The following BCL2 variants were observed in gnomAD, a reference collection of about 807,000 sequenced individuals.
BCL2 encodes the protein BCL2 apoptosis regulator.
In BCL2, 1 loss-of-function variant was observed where a neutral mutation model predicts 14.2. That is an observed-to-expected ratio of 0.07 (90% CI 0.02 to 0.33). The LOEUF is 0.33. BCL2 is among the 10% of genes least tolerant of loss of function. The pLI, the probability that BCL2 is intolerant of heterozygous loss-of-function variation, is 0.99. For synonymous variants in BCL2, 151 were observed against 137.2 expected (o/e 1.10, Z -0.70); for missense variants, 247 against 305.9 (o/e 0.81, Z 1.44).
chr18:63,154,799 T>C lies in BCL2; in HGVS notation c.586-26040A>G, dbSNP rs1453516272. On this transcript the variant is annotated intron_variant, in intron 2 of 2. Transcript: ENST00000333681. ...GGCTACATTTTCTTCATCTTGGTTTTCCCAGGTTCTGATAGTGCCTGGCAC... is the reference window on the plus strand; with the variant it reads ...GGCTACATTTTCTTCATCTTGGTTTCCCCAGGTTCTGATAGTGCCTGGCAC... 7.2e-5 allele frequency among the ~76,000 whole-genome samples: 11 copies of C among 152,232 alleles called. No individual in the cohort carries two copies. The South Asian group carries it at 2.3e-3, about 32-fold the overall frequency.
At chr18:63,204,734 A>G (rs142136023) in intron 2 of BCL2, among the ~76,000 whole-genome samples, 271 of 152,326 alleles carry the variant, frequency 1.8e-3, no homozygotes, top group African/African-American at 5.8e-3. Flanking sequence ...AATACTAGGA[A>G]GTATTATACT....
At chr18:63,169,786 G>A (rs748580374) in intron 2 of BCL2, among the ~76,000 whole-genome samples, 1 of 152,046 alleles carries the variant, frequency 6.6e-6, no homozygotes, top group South Asian at 2.1e-4. Context: ...GCCTCCCAAA[G>A]TGCTGGGATT....
intron 2 of BCL2, among the ~76,000 whole-genome samples, chr18:63,298,098 T>G (rs1489168627): frequency 6.6e-6 from 1 of 152,162 alleles, no homozygotes; most frequent in Non-Finnish European, 1.5e-5. Flanking sequence ...AGACCCCCAA[T>G]TAGAATCGGC....
At chr18:63,261,410 G>A (rs897719597) in intron 2 of BCL2, among the ~76,000 whole-genome samples, 7 of 152,122 alleles carry the variant, frequency 4.6e-5, no homozygotes, top group African/African-American at 7.2e-5. Flanking sequence ...TAGGGAGCAC[G>A]AACTAGATAT....
chr18:63,174,714 G>C (rs1915309819), intron 2 of BCL2, among the ~76,000 whole-genome samples: 1 of 151,840 alleles, frequency 6.6e-6, no homozygotes, highest in East Asian at 1.9e-4. Context: ...CAGCTACTCG[G>C]GGGGCTGAGG....
chr18:63,212,082 C>G (rs1321523116), intron 2 of BCL2, among the ~76,000 whole-genome samples: 1 of 152,146 alleles, frequency 6.6e-6, no homozygotes, highest in African/African-American at 2.4e-5. Flanking sequence ...AATCCCAGCA[C>G]TTTGGGAGGC....
chr18:63,271,498 T>C, intron 2 of BCL2, among the ~76,000 whole-genome samples: 1 of 152,164 alleles, frequency 6.6e-6, no homozygotes, highest in East Asian at 1.9e-4. Flanking sequence ...TGAAAGAAAT[T>C]ATATCTCAAT....
At chr18:63,290,963 C>T (rs1288990134) in intron 2 of BCL2, among the ~76,000 whole-genome samples, 1 of 152,068 alleles carries the variant, frequency 6.6e-6, no homozygotes, top group Non-Finnish European at 1.5e-5. Context: ...AAGCGGCTCA[C>T]CATCTGTGAA....
chr18:63,312,933 T>C (rs1262886442), intron 2 of BCL2, among the ~76,000 whole-genome samples: 2 of 152,250 alleles, frequency 1.3e-5, no homozygotes. Context: ...GAACTCCCCC[T>C]GCCTTTCAGT....
At chr18:63,227,329 G>A (rs1434686911) in intron 2 of BCL2, among the ~76,000 whole-genome samples, 2 of 152,214 alleles carry the variant, frequency 1.3e-5, no homozygotes, top group African/African-American at 4.8e-5. Context: ...ACTTCAGTAA[G>A]AAGGAATTTG....
rs186245869 is a variant in BCL2 at position 63,222,471 on chromosome 18, C to T, written c.586-93712G>A. ...GAAAGATACAATCTCAAATGGAGTA[C>T]AAAATAAGATTGTTTAAAAATATTA... is the stretch of plus-strand genomic sequence containing the variant. On this transcript the variant is annotated intron_variant, in intron 2 of 2. Coordinates refer to ENST00000333681, the MANE Select transcript of BCL2 (RefSeq NM_000633.3). 6.7e-5 allele frequency among the ~76,000 whole-genome samples: 10 copies of T among 149,928 alleles called. No homozygotes were observed. The East Asian group carries it at 1.8e-3, about 26-fold the overall frequency.
chr18:63,156,019 C>G (rs75928761), intron 2 of BCL2, among the ~76,000 whole-genome samples: 439 of 129,670 alleles, frequency 3.4e-3, no homozygotes, highest in Admixed American at 5.5e-3. Flanking sequence ...GGGCATTTCT[C>G]AAGTAAGACC....
chr18:63,200,665 T>C (rs960991971), intron 2 of BCL2, among the ~76,000 whole-genome samples: 2 of 152,230 alleles, frequency 1.3e-5, no homozygotes, highest in Admixed American at 6.5e-5. Flanking sequence ...TCTTGCTCTA[T>C]CACTCAGGCT....
chr18:63,260,940 G>A (rs1242434135), intron 2 of BCL2, among the ~76,000 whole-genome samples: 1 of 152,188 alleles, frequency 6.6e-6, no homozygotes, highest in East Asian at 1.9e-4. Flanking sequence ...CCACTCTGCA[G>A]TACAAATCAC....
chr18:63,301,521 A>T (rs570876752), intron 2 of BCL2, among the ~76,000 whole-genome samples: 7 of 152,368 alleles, frequency 4.6e-5, no homozygotes, highest in African/African-American at 1.7e-4. Context: ...GAACTTTAGC[A>T]TATGTACTTC....
chr18:63,317,797 A>C, intron 2 of BCL2: 1 of 1,304,734 alleles, frequency 7.7e-7, no homozygotes, highest in Non-Finnish European at 9.7e-7. Flanking sequence ...GAAACACTGA[A>C]GGGGTACCAT....
At chr18:63,213,818 T>C (rs1471171697) in intron 2 of BCL2, among the ~76,000 whole-genome samples, 1 of 152,138 alleles carries the variant, frequency 6.6e-6, no homozygotes, top group African/African-American at 2.4e-5. Context: ...CAGAGCGGGC[T>C]GGTCAGAGTT....
At chr18:63,146,273 G>A (rs1418437058) in intron 2 of BCL2, among the ~76,000 whole-genome samples, 1 of 152,236 alleles carries the variant, frequency 6.6e-6, no homozygotes, top group African/African-American at 2.4e-5. Context: ...TGAAACAAGT[G>A]AGACTTCTGC....
intron 2 of BCL2, among the ~76,000 whole-genome samples, chr18:63,263,928 C>A (rs923623095): frequency 6.6e-6 from 1 of 152,080 alleles, no homozygotes; most frequent in Non-Finnish European, 1.5e-5. Flanking sequence ...CGGGTTTAAG[C>A]GAATCTCATT....
Sources: gnomAD v4.1 joint callset for allele counts (sites outside exome capture counted in the v4.1 genomes callset) on GRCh38, gnomAD v4.1.1 for gene constraint, MANE v1.5 for transcripts, NCBI Gene and HGNC (gene_info 2026-07-23, HGNC 2026-07-21) for gene names.